SHISA9: variants seen among roughly 807,000 people sequenced by gnomAD.
SHISA9 encodes shisa family member 9.
Under a neutral mutation model 38.0 loss-of-function variants are expected in SHISA9, and 13 were observed. That is an observed-to-expected ratio of 0.34 (90% CI 0.22 to 0.54). The LOEUF (loss-of-function observed/expected upper bound fraction) is 0.54. Ranked by LOEUF, SHISA9 falls within the 20% of genes least tolerant of loss-of-function variation. The pLI is 0.91. For synonymous variants in SHISA9, 275 were observed against 242.0 expected (o/e 1.14, Z -1.27); for missense variants, 538 against 575.8 (o/e 0.93, Z 0.67).
At chr16:13,082,667 A>G (rs1378618829) in intron 2 of SHISA9, among the ~76,000 whole-genome samples, 3 of 152,174 alleles carry the variant, frequency 2.0e-5, no homozygotes, top group Non-Finnish European at 4.4e-5. Context: ...AGATTGGTGT[A>G]CAGGTAAGTT....
chr16:13,110,597 C>A (rs1012219915), intron 2 of SHISA9, among the ~76,000 whole-genome samples: 3 of 152,126 alleles, frequency 2.0e-5, no homozygotes, highest in African/African-American at 7.2e-5. Context: ...GAGAGGAGAG[C>A]TGGAACTTGA....
At chr16:13,387,074 TTAAAA>T in the SHISA9 span, among the ~76,000 whole-genome samples, 1 of 152,202 alleles carries the variant, frequency 6.6e-6, no homozygotes, top group African/African-American at 2.4e-5. Flanking sequence ...TTCTTGCCAC[TTAAAA>T]TAAATCATTG....
At chr16:13,441,079 A>G in the SHISA9 span, among the ~76,000 whole-genome samples, 3 of 152,190 alleles carry the variant, frequency 2.0e-5, no homozygotes, top group African/African-American at 4.8e-5. Context: ...GAAGAAATAT[A>G]TTTGATTTCA....
At chr16:13,099,563 C>G (rs537457820) in intron 2 of SHISA9, among the ~76,000 whole-genome samples, 1 of 151,816 alleles carries the variant, frequency 6.6e-6, no homozygotes, top group Non-Finnish European at 1.5e-5. Context: ...GTGAGGATAT[C>G]GGGAAGTGTT....
At chr16:13,370,530 C>T in the SHISA9 span, among the ~76,000 whole-genome samples, 8 of 152,260 alleles carry the variant, frequency 5.3e-5, no homozygotes, top group East Asian at 3.9e-4. Context: ...CACCGACTTA[C>T]GAAGGCATTG....
At chr16:13,145,905 G>C (rs933680458) in intron 2 of SHISA9, among the ~76,000 whole-genome samples, 1 of 152,082 alleles carries the variant, frequency 6.6e-6, no homozygotes, top group African/African-American at 2.4e-5. Context: ...TTCATAGTGA[G>C]GGCTGGGCGA....
At chr16:12,914,018 T>A (rs974266203) in intron 1 of SHISA9, among the ~76,000 whole-genome samples, 8 of 151,656 alleles carry the variant, frequency 5.3e-5, no homozygotes, top group Non-Finnish European at 1.0e-4. Flanking sequence ...GCAGCCCTCG[T>A]TTATTTATTT....
the SHISA9 span, among the ~76,000 whole-genome samples, chr16:13,397,051 C>T: frequency 1.3e-5 from 2 of 152,180 alleles, no homozygotes; most frequent in Admixed American, 6.5e-5. Context: ...TGATCCACTT[C>T]CACTTATTAA....
the SHISA9 span, among the ~76,000 whole-genome samples, chr16:13,466,445 A>T: frequency 6.6e-6 from 1 of 152,210 alleles, no homozygotes; most frequent in Admixed American, 6.5e-5. Context: ...CAATCCAGGT[A>T]GGACTACAAA....
intron 2 of SHISA9, among the ~76,000 whole-genome samples, chr16:12,925,731 C>T (rs2141733962): frequency 6.6e-6 from 1 of 152,308 alleles, no homozygotes; most frequent in East Asian, 1.9e-4. Context: ...TATCCTTGGA[C>T]ACGTTTCTTT....
chr16:13,008,227 T>A (rs767278238), intron 2 of SHISA9, among the ~76,000 whole-genome samples: 1 of 152,214 alleles, frequency 6.6e-6, no homozygotes, highest in Non-Finnish European at 1.5e-5. Context: ...TTTTACACCC[T>A]CTTCCAGGGG....
chr16:13,252,542 C>A, the SHISA9 span, among the ~76,000 whole-genome samples: 1 of 152,168 alleles, frequency 6.6e-6, no homozygotes, highest in African/African-American at 2.4e-5. Flanking sequence ...TGGCTCACCC[C>A]ACATCTGTTG....
At chr16:13,519,009 C>G in the SHISA9 span, among the ~76,000 whole-genome samples, 1 of 152,152 alleles carries the variant, frequency 6.6e-6, no homozygotes, top group East Asian at 1.9e-4. Flanking sequence ...TTAGGCCCCA[C>G]CTCCCAGAAC....
intron 2 of SHISA9, among the ~76,000 whole-genome samples, chr16:12,917,490 T>G (rs905774332): frequency 2.0e-5 from 3 of 152,196 alleles, no homozygotes; most frequent in Non-Finnish European, 2.9e-5. Context: ...TTTCAATAGG[T>G]ATTTTTCACA....
At chr16:13,192,647 G>A (rs1337280985) in intron 2 of SHISA9, among the ~76,000 whole-genome samples, 3 of 152,056 alleles carry the variant, frequency 2.0e-5, no homozygotes, top group African/African-American at 4.8e-5. Context: ...AGGCCGAGGC[G>A]GGTGGATCAC....
the SHISA9 span, among the ~76,000 whole-genome samples, chr16:13,290,126 C>G: frequency 6.6e-6 from 1 of 152,014 alleles, no homozygotes; most frequent in Admixed American, 6.6e-5. Context: ...ATAACAAATT[C>G]CATGGAATGT....
At chr16:13,155,361 GA>G (rs2142007711) in intron 2 of SHISA9, among the ~76,000 whole-genome samples, 1 of 152,306 alleles carries the variant, frequency 6.6e-6, no homozygotes, top group African/African-American at 2.4e-5. Context: ...GAAATGGATT[GA>G]AATGGAAAAA....
the SHISA9 span, among the ~76,000 whole-genome samples, chr16:13,486,467 G>T: frequency 6.6e-6 from 1 of 152,146 alleles, no homozygotes; most frequent in Admixed American, 6.5e-5. Flanking sequence ...CATCCAGGTG[G>T]CAGACTGACA....
intron 2 of SHISA9, among the ~76,000 whole-genome samples, chr16:12,941,155 C>T (rs1233881288): frequency 3.3e-5 from 5 of 151,870 alleles, no homozygotes; most frequent in Non-Finnish European, 7.4e-5. Context: ...AGTTAGAGAC[C>T]AGCCTGGCCA....
Sources: allele counts gnomAD v4.1 joint callset (sites outside exome capture counted in the v4.1 genomes callset), GRCh38; gene constraint gnomAD v4.1.1; transcripts MANE v1.5; gene names NCBI Gene and HGNC (gene_info 2026-07-23, HGNC 2026-07-21).